Variants in CHD6 observed in about 807,000 individuals in gnomAD.
The protein encoded by CHD6 is chromodomain helicase DNA binding protein 6.
In CHD6, 50 loss-of-function variants were observed where a neutral mutation model predicts 276.9. The ratio of observed to expected loss-of-function variants is 0.18; its 90% CI spans 0.14 to 0.23. The LOEUF (loss-of-function observed/expected upper bound fraction) is 0.23, where lower values mean the gene tolerates loss of function less well. Ranked by LOEUF, CHD6 falls within the 10% of genes least tolerant of loss-of-function variation. The pLI, the probability that CHD6 is intolerant of heterozygous loss-of-function variation, is 1.00. For synonymous variants in CHD6, 1,173 were observed against 1,229.3 expected (o/e 0.95, Z 0.96); for missense variants, 2,564 against 3,365.8 (o/e 0.76, Z 5.89).
chr20:41,422,105 A>G (rs556427586), intron 30 of CHD6, 26 bp from the exon 31 acceptor site: 1 of 1,577,792 alleles, frequency 6.3e-7, no homozygotes, highest in South Asian at 1.2e-5. Context: ...AATAAAGCCT[A>G]TCACTGAAGG....
chr20:41,405,430 C>T lies in CHD6; in HGVS notation c.7311G>A (p.Thr2437=), dbSNP rs752717222. Residue 2437 remains threonine, a synonymous_variant, in exon 37 of 37, where the codon ACG becomes ACA. Transcript: ENST00000373233. ...HTLAEPILRD[T]GPRRRGRRPR... ...GCCGCCTCCCCCTCCTGCGGGGGCC[C>T]GTATCTCGAAGAATAGGCTCAGCCA... 1.5e-5 allele frequency: 24 copies of T among 1,606,558 alleles called. No homozygotes were observed. The highest frequency in any genetic ancestry group is 7.8e-5 in the South Asian group (7 of 90,276).
chr20:41,517,528 C>T (rs561117358), intron 3 of CHD6, among the ~76,000 whole-genome samples: 2 of 152,310 alleles, frequency 1.3e-5, no homozygotes, highest in South Asian at 4.1e-4. Context: ...TAACAAGGGA[C>T]TTGTACCCTT....
At chr20:41,589,227 A>G (rs1414007968) in intron 1 of CHD6, among the ~76,000 whole-genome samples, 1 of 152,220 alleles carries the variant, frequency 6.6e-6, no homozygotes, top group Non-Finnish European at 1.5e-5. Flanking sequence ...TCAAAATACT[A>G]AGAGCTATTT....
At chr20:41,422,865 C>T (rs2047239915) in intron 30 of CHD6, among the ~76,000 whole-genome samples, 1 of 152,200 alleles carries the variant, frequency 6.6e-6, no homozygotes, top group African/African-American at 2.4e-5. Flanking sequence ...GCTGGTATGT[C>T]TTGTGCGTGC....
chr20:41,576,930 G>C (rs750990495), intron 1 of CHD6, among the ~76,000 whole-genome samples: 2 of 152,190 alleles, frequency 1.3e-5, no homozygotes, highest in Non-Finnish European at 2.9e-5. Flanking sequence ...AACAGAGAAA[G>C]AGAAAGGTGG....
At chr20:41,458,797 T>C (rs1040585112) in intron 17 of CHD6, among the ~76,000 whole-genome samples, 1 of 152,034 alleles carries the variant, frequency 6.6e-6, no homozygotes, top group East Asian at 1.9e-4. Flanking sequence ...TTTTTCTCCC[T>C]GAGTAAGCAA....
chr20:41,429,922 G>C (rs766970204), intron 27 of CHD6, among the ~76,000 whole-genome samples: 17 of 152,160 alleles, frequency 1.1e-4, no homozygotes, highest in Non-Finnish European at 2.4e-4. Flanking sequence ...CTACTAAACG[G>C]TTGCCTTTCT....
intron 8 of CHD6, among the ~76,000 whole-genome samples, chr20:41,494,239 T>C (rs1011848237): frequency 6.6e-6 from 1 of 152,294 alleles, no homozygotes; most frequent in African/African-American, 2.4e-5. Flanking sequence ...TTTTCCTTAC[T>C]GGTCCTTATT....
intron 36 of CHD6, among the ~76,000 whole-genome samples, chr20:41,407,988 T>C (rs2046729538): frequency 6.6e-6 from 1 of 152,106 alleles, no homozygotes; most frequent in South Asian, 2.1e-4. Flanking sequence ...AAAACGTGCA[T>C]ATCTGAATGT....
At chr20:41,562,122 A>T (rs76253770) in intron 1 of CHD6, among the ~76,000 whole-genome samples, 1 of 151,774 alleles carries the variant, frequency 6.6e-6, no homozygotes, top group African/African-American at 2.4e-5. Flanking sequence ...CAAAAAAAAA[A>T]CTCTTCATGT....
At position 41,452,540 on chromosome 20, in the gene CHD6, T is replaced by C. The variant is rs2048269229; in HGVS notation, c.3323+200A>G. On this transcript the variant is annotated intron_variant, in intron 21 of 36. Transcript: ENST00000373233. The surrounding 1 kb of genome is among the most constrained non-coding windows in gnomAD (Gnocchi z 4.2). The stretch of plus-strand genomic sequence containing the variant: ...AGGCATATGAGAAAATCATGGCATG[T>C]CTGCATTGTGGTTGCGGAGCATACG... Among the ~76,000 whole-genome samples, 1 of 152,182 alleles carries C rather than the reference T, an allele frequency of 6.6e-6. No individual in the cohort carries two copies. The highest frequency in any genetic ancestry group is 2.4e-5 in the African/African-American group (1 of 41,440).
chr20:41,497,070 G>T, intron 8 of CHD6: 3 of 232,304 alleles, frequency 1.3e-5, no homozygotes, highest in African/African-American at 2.2e-5. Context: ...GTCCTTTTTG[G>T]GTTGCAGTGG....
chr20:41,559,118 A>G (rs916155281), intron 1 of CHD6, among the ~76,000 whole-genome samples: 2 of 150,640 alleles, frequency 1.3e-5, no homozygotes, highest in Non-Finnish European at 2.9e-5. Flanking sequence ...CTATGTATCT[A>G]TTTGGTTTTA....
intron 2 of CHD6, among the ~76,000 whole-genome samples, chr20:41,546,694 C>T (rs2045049580): frequency 6.6e-6 from 1 of 152,092 alleles, no homozygotes; most frequent in Admixed American, 6.6e-5. Context: ...GATTAGAGTT[C>T]ACATTTTATT....
intron 2 of CHD6, among the ~76,000 whole-genome samples, chr20:41,544,005 C>G (rs1196127326): frequency 6.6e-6 from 1 of 152,050 alleles, no homozygotes; most frequent in Non-Finnish European, 1.5e-5. Flanking sequence ...TTTGGGAGGC[C>G]AAGACATGCG....
At chr20:41,424,503 G>A (rs565656494) in intron 29 of CHD6, among the ~76,000 whole-genome samples, 2 of 152,308 alleles carry the variant, frequency 1.3e-5, no homozygotes, top group African/African-American at 4.8e-5. Flanking sequence ...TGTGCAAGAA[G>A]GAAGACATAT....
In CHD6 at chr20:41,421,339, C is replaced by A; in HGVS notation, c.5296G>T (p.Ala1766Ser). 6.2e-7 allele frequency: 1 copy of A among 1,614,022 alleles called. No individual in the cohort carries two copies. The highest frequency in any genetic ancestry group is 8.5e-7 in the Non-Finnish European group (1 of 1,179,956). ...ATGTTTGCTTGAGCTACTCCTCCTG[C>A]TTCTAAGCTACCCATAAAAGTAGGG... ...SGPTFMGSLE[A>S]GGVAQANIKN... Residue 1766 changes from alanine (A) to serine (S), a missense_variant, in exon 31 of 37, where the codon GCA becomes TCA. Physicochemically the swap from Ala to Ser is moderately conservative, Grantham distance 99. Transcript: ENST00000373233.
chr20:41,405,906 T>C (rs988762228), intron 36 of CHD6, among the ~76,000 whole-genome samples: 6 of 152,142 alleles, frequency 3.9e-5, no homozygotes, highest in Non-Finnish European at 8.8e-5. Flanking sequence ...ACACAGGTTT[T>C]TATTGAAGCA....
intron 27 of CHD6, among the ~76,000 whole-genome samples, chr20:41,428,914 T>C (rs1600836514): frequency 6.6e-6 from 1 of 152,210 alleles, no homozygotes; most frequent in Non-Finnish European, 1.5e-5. Context: ...ACACAAATAC[T>C]AGTATTTGAG....
Sources: gnomAD v4.1 joint callset for allele counts (sites outside exome capture counted in the v4.1 genomes callset) on GRCh38, gnomAD v4.1.1 for gene constraint, Gnocchi (gnomAD v3.1) non-coding constraint, MANE v1.5 for transcripts, NCBI Gene and HGNC (gene_info 2026-07-23, HGNC 2026-07-21) for gene names.